Variants in PLEKHM2 observed in about 807,000 individuals in gnomAD.
PLEKHM2 encodes pleckstrin homology domain-containing family M member 2.
PLEKHM2 carries 77 observed loss-of-function variants against 116.3 expected under a neutral mutation model. That is an observed-to-expected ratio of 0.66 (90% CI 0.55 to 0.80). The LOEUF (loss-of-function observed/expected upper bound fraction) is 0.80. PLEKHM2 is among the 30% of genes least tolerant of loss of function. The pLI, the probability that PLEKHM2 is intolerant of heterozygous loss-of-function variation, is 0.00. For missense variants in PLEKHM2, 1,183 were observed against 1,354.9 expected (o/e 0.87, Z 1.99); for synonymous variants, 562 against 571.0 (o/e 0.98, Z 0.22).
chr1:15,710,833 C>T (rs987885142), intron 1 of PLEKHM2, among the ~76,000 whole-genome samples: 1 of 152,212 alleles, frequency 6.6e-6, no homozygotes, highest in Non-Finnish European at 1.5e-5. Context: ...AGCTACCCAG[C>T]AGGCTGAGGT....
chr1:15,706,609 G>A (rs1322441444), intron 1 of PLEKHM2, among the ~76,000 whole-genome samples: 2 of 152,038 alleles, frequency 1.3e-5, no homozygotes, highest in East Asian at 1.9e-4. Flanking sequence ...GTTTCACCAC[G>A]TTGGTCAGGC....
intron 1 of PLEKHM2, among the ~76,000 whole-genome samples, chr1:15,702,041 G>A (rs1641126060): frequency 6.6e-6 from 1 of 152,164 alleles, no homozygotes; most frequent in African/African-American, 2.4e-5. Context: ...ATACGGACGG[G>A]TCGCCCAAAG....
intron 1 of PLEKHM2, among the ~76,000 whole-genome samples, chr1:15,690,987 G>T (rs1472154232): frequency 6.6e-6 from 1 of 152,214 alleles, no homozygotes; most frequent in African/African-American, 2.4e-5. Context: ...CTTTGGAGAC[G>T]ATCAGGGAAG....
At chr1:15,732,278 C>T in intron 17 of PLEKHM2, 72 bp from the exon 18 acceptor site, 3 of 1,306,870 alleles carry the variant, frequency 2.3e-6, no homozygotes, top group Admixed American at 2.1e-5. Context: ...TGGCTGGTCC[C>T]CTGGAGTGTG....
intron 6 of PLEKHM2, chr1:15,720,516 T>G: frequency 1.0e-6 from 1 of 981,358 alleles, no homozygotes; most frequent in Non-Finnish European, 1.2e-6. Flanking sequence ...CCCAATGATT[T>G]ACTGGAACAG....
chr1:15,716,751 T>A lies in PLEKHM2; in HGVS notation c.212T>A (p.Phe71Tyr), dbSNP rs752817743. The stretch of plus-strand genomic sequence containing the variant: ...GGCTACTGGGTGCTCGTGGTGCATT[T>A]TACTCGGAGAGAGGCCATCAAGCAG... Reference protein sequence around the residue: ...SSGYWVLVVHFTRREAIKQIE... With the variant: ...SSGYWVLVVHYTRREAIKQIE... Residue 71 changes from phenylalanine (F) to tyrosine (Y), a missense_variant, in exon 3 of 20, where the codon TTT becomes TAT. By Grantham distance (22) the Phe-to-Tyr change is conservative (BLOSUM62 3). Coordinates refer to ENST00000375799, the MANE Select transcript of PLEKHM2 (RefSeq NM_015164.4). The A allele has an allele frequency of 1.3e-6, 2 of 1,579,862 alleles. No individual in the cohort carries two copies. Among genetic ancestry groups the A allele is most frequent in the East Asian group, 4.6e-5 (2 of 43,100 alleles).
intron 4 of PLEKHM2, 22 bp from the exon 5 acceptor site, chr1:15,718,516 C>A: frequency 6.8e-7 from 1 of 1,465,934 alleles, no homozygotes; most frequent in Non-Finnish European, 9.4e-7. Flanking sequence ...GAGGCACCAT[C>A]GTGGCTTCTC....
chr1:15,710,611 G>C (rs1485478031), intron 1 of PLEKHM2, among the ~76,000 whole-genome samples: 3 of 152,114 alleles, frequency 2.0e-5, no homozygotes, highest in Non-Finnish European at 4.4e-5. Flanking sequence ...ACAGGCGTAA[G>C]CCACTGCACC....
At position 15,728,055 on chromosome 1, in the gene PLEKHM2, G is replaced by A. The variant is rs766023251; in HGVS notation, c.1761-24G>A. 40 of 1,589,054 alleles carry A rather than the reference G, an allele frequency of 2.5e-5. 2 individuals are homozygous for A. The highest frequency in any genetic ancestry group is 1.2e-4 in the South Asian group (11 of 88,632). ...CTCACCGCTGCCTGCCTGACATCTCGCCCTCCTGACTTGGCCCTCACAGAG... is the reference window on the plus strand; with the variant it reads ...CTCACCGCTGCCTGCCTGACATCTCACCCTCCTGACTTGGCCCTCACAGAG... On this transcript the variant is annotated intron_variant, in intron 9 of 19. Coordinates refer to ENST00000375799, the MANE Select transcript of PLEKHM2 (RefSeq NM_015164.4). This position sits in a 1 kb window ranked among gnomAD's most constrained non-coding sequence, Gnocchi z 5.9.
intron 7 of PLEKHM2, among the ~76,000 whole-genome samples, chr1:15,723,582 A>G (rs1205740203): frequency 6.6e-6 from 1 of 152,022 alleles, no homozygotes; most frequent in African/African-American, 2.4e-5. Flanking sequence ...TCTACTAAAA[A>G]TATAAAAATT....
Position 15,716,702 on chromosome 1 carries a change from C to A in PLEKHM2, c.168-5C>A. On this transcript the variant is annotated splice_polypyrimidine_tract_variant and splice_region_variant and intron_variant, in intron 2 of 19. Transcript: ENST00000375799. ...GTCACAGCAGCTCCTGTCCTGTTTT[C>A]TCAGACTGCAAGACCTCTCCTCTGG... The A allele has an allele frequency of 6.4e-7, 1 of 1,560,372 alleles. No homozygotes were observed. Among genetic ancestry groups the A allele is most frequent in the South Asian group, 1.2e-5 (1 of 84,466 alleles).
chr1:15,704,680 A>G (rs891930404), intron 1 of PLEKHM2, among the ~76,000 whole-genome samples: 3 of 152,118 alleles, frequency 2.0e-5, no homozygotes, highest in African/African-American at 7.2e-5. Context: ...GCCCTCCGTG[A>G]TGAGTGCCCA....
In PLEKHM2 at chr1:15,733,994, C is replaced by A; in HGVS notation, c.*60C>A. On this transcript the variant is annotated 3_prime_UTR_variant, in exon 20 of 20. Transcript: ENST00000375799. The stretch of plus-strand genomic sequence containing the variant: ...AGGAAGGCACGCCAGCCGGCAGGCA[C>A]ACTGTCACGGCTGTTGTCATGCTGT... The A allele has an allele frequency of 6.5e-7, 1 of 1,547,130 alleles. No individual in the cohort carries two copies. Among genetic ancestry groups the A allele is most frequent in the Non-Finnish European group, 8.7e-7 (1 of 1,143,378 alleles).
intron 17 of PLEKHM2, 79 bp from the exon 18 acceptor site, chr1:15,732,271 C>A: frequency 8.1e-7 from 1 of 1,235,328 alleles, no homozygotes. Context: ...GAAGGGCTGG[C>A]TGGTCCCCTG....
intron 8 of PLEKHM2, among the ~76,000 whole-genome samples, chr1:15,726,132 C>T (rs548696842): frequency 3.9e-4 from 60 of 152,348 alleles, no homozygotes; most frequent in African/African-American, 1.3e-3. Flanking sequence ...GCTGCCAGGG[C>T]GTTTGCTGGG....
At chr1:15,718,014 T>C in intron 4 of PLEKHM2, 22 bp downstream of exon 4, 1 of 1,472,144 alleles carries the variant, frequency 6.8e-7, no homozygotes, top group Non-Finnish European at 9.4e-7. Flanking sequence ...GGACGGTCTG[T>C]CTCCCCTAGC....
chr1:15,721,299 A>G lies in PLEKHM2; in HGVS notation c.653-30A>G, dbSNP rs1351325869. 1.4e-6 allele frequency: 2 copies of G among 1,464,596 alleles called. No homozygotes were observed. Among genetic ancestry groups the G allele is most frequent in the Non-Finnish European group, 1.9e-6 (2 of 1,071,208 alleles). 90.7% of individuals were successfully genotyped at this position (1,464,596 alleles called of 1,614,324 possible). A position where few individuals can be genotyped will look rare whatever the true frequency, so the allele number is the denominator to read the frequency against. On this transcript the variant is annotated intron_variant, in intron 6 of 19. Transcript: ENST00000375799. The surrounding 1 kb of genome is among the most constrained non-coding windows in gnomAD (Gnocchi z 5.1). The stretch of plus-strand genomic sequence containing the variant: ...TCATCCTTCCACTGCCTGTGTTTCT[A>G]ATCTTCAGTTTTGTCCCTCGTTTTT...
chr1:15,693,609 A>G, intron 1 of PLEKHM2, among the ~76,000 whole-genome samples: 1 of 152,182 alleles, frequency 6.6e-6, no homozygotes, highest in East Asian at 1.9e-4. Context: ...GACGGGGCTG[A>G]CTGTCTGTGG....
intron 1 of PLEKHM2, among the ~76,000 whole-genome samples, chr1:15,709,536 A>G (rs1006505625): frequency 3.3e-5 from 5 of 152,162 alleles, no homozygotes; most frequent in Non-Finnish European, 7.3e-5. Flanking sequence ...TAGTCGTTTT[A>G]TAACCCATTT....
Sources: gnomAD v4.1 joint callset for allele counts (sites outside exome capture counted in the v4.1 genomes callset) on GRCh38, gnomAD v4.1.1 for gene constraint, Gnocchi (gnomAD v3.1) non-coding constraint, MANE v1.5 for transcripts, NCBI Gene and HGNC (gene_info 2026-07-23, HGNC 2026-07-21) for gene names.